Variants in NRG1 observed in about 807,000 individuals in gnomAD.
NRG1 encodes neuregulin 1.
A neutral mutation model predicts 63.8 loss-of-function variants in NRG1; 18 were observed. The observed-to-expected ratio is 0.28, with a 90% CI of 0.19 to 0.42. NRG1 has a LOEUF of 0.42. Among genes scored for constraint, NRG1 ranks in the 10% least tolerant of loss-of-function variants. NRG1 has a pLI of 1.00. For synonymous variants in NRG1, 302 were observed against 301.3 expected (o/e 1.00, Z -0.02); for missense variants, 762 against 814.7 (o/e 0.94, Z 0.79).
intron 1 of NRG1, among the ~76,000 whole-genome samples, chr8:32,284,227 C>T (rs897801471): frequency 1.3e-5 from 2 of 152,082 alleles, no homozygotes; most frequent in African/African-American, 2.4e-5. Context: ...GATCAATTTC[C>T]TCAATCCCCA....
intron 1 of NRG1, among the ~76,000 whole-genome samples, chr8:32,565,359 G>A (rs1837256584): frequency 6.6e-6 from 1 of 152,124 alleles, no homozygotes; most frequent in South Asian, 2.1e-4. Context: ...CTGACCTCAA[G>A]CGATCCTTCT....
chr8:32,159,348 C>A (rs1306865523), intron 1 of NRG1, among the ~76,000 whole-genome samples: 1 of 151,350 alleles, frequency 6.6e-6, no homozygotes, highest in Non-Finnish European at 1.5e-5. Context: ...TCCTGGCTAA[C>A]AAGGTGAAAC....
chr8:32,755,476 G>A (rs926742820), intron 8 of NRG1, among the ~76,000 whole-genome samples: 4 of 152,124 alleles, frequency 2.6e-5, no homozygotes, highest in African/African-American at 9.7e-5. Context: ...CCAGAATTAA[G>A]GGATAGAGAT....
At chr8:32,463,313 A>G (rs983498336) in intron 1 of NRG1, among the ~76,000 whole-genome samples, 1 of 152,178 alleles carries the variant, frequency 6.6e-6, no homozygotes, top group Non-Finnish European at 1.5e-5. Flanking sequence ...GGGCATACCC[A>G]GAAGAGGGAT....
At position 32,418,560 on chromosome 8, in the gene NRG1, A is replaced by G. The variant is rs1404513960; in HGVS notation, c.38-177268A>G. ...GGACTAGATGCATTTCAGGTTCCCA[A>G]TAGCCATATGTGTCTATTGGCGTTC... On this transcript the variant is annotated intron_variant, in intron 1 of 10. Transcript: ENST00000519301. Among the ~76,000 whole-genome samples, 3 of 152,046 alleles carry G rather than the reference A, an allele frequency of 2.0e-5. 1 individual carries two copies. Among genetic ancestry groups the G allele is most frequent in the African/African-American group, 4.8e-5 (2 of 41,432 alleles).
At chr8:32,549,502 G>C (rs897850254) in intron 1 of NRG1, among the ~76,000 whole-genome samples, 1 of 152,204 alleles carries the variant, frequency 6.6e-6, no homozygotes, top group Non-Finnish European at 1.5e-5. Context: ...CCCCAAACAA[G>C]TTCTACAAAC....
At chr8:32,288,732 C>G (rs887808799) in intron 1 of NRG1, among the ~76,000 whole-genome samples, 1 of 152,166 alleles carries the variant, frequency 6.6e-6, no homozygotes, top group African/African-American at 2.4e-5. Flanking sequence ...GCATCGTCAG[C>G]GTGAGGAAGG....
intron 1 of NRG1, among the ~76,000 whole-genome samples, chr8:32,519,376 A>G (rs1411726985): frequency 1.3e-5 from 2 of 152,144 alleles, no homozygotes; most frequent in Non-Finnish European, 1.5e-5. Flanking sequence ...TCTTACCACA[A>G]GTTAAAGGTT....
At chr8:32,100,733 G>A (rs1355955830) in intron 1 of NRG1, among the ~76,000 whole-genome samples, 3 of 152,086 alleles carry the variant, frequency 2.0e-5, no homozygotes, top group Admixed American at 6.6e-5. Flanking sequence ...GGAGAACAAA[G>A]GAACCTGAAT....
Position 32,713,488 on chromosome 8 carries a change from A to G in NRG1, c.503-14461A>G, listed in dbSNP as rs373071263. Among the ~76,000 whole-genome samples the G allele has an allele frequency of 2.1e-4, 32 of 152,072 alleles. No homozygotes were observed. In the East Asian group the frequency reaches 2.9e-3, roughly 14 times the overall value. ...GAGTTGAACTTCAAATTCATTGTCT[A>G]AATCCTAAGAAATGTTGAATTTTCA... On this transcript the variant is annotated intron_variant, in intron 5 of 11. Coordinates refer to ENST00000356819, the Ensembl canonical transcript of NRG1.
chr8:32,613,714 ACATCATTG>A (rs1290415560), intron 3 of NRG1, among the ~76,000 whole-genome samples: 6 of 152,036 alleles, frequency 3.9e-5, no homozygotes, highest in African/African-American at 1.4e-4. Flanking sequence ...TGAATGATAT[ACATCATTG>A]CATCTCTACA....
chr8:32,371,636 CT>C (rs1176994983), intron 1 of NRG1, among the ~76,000 whole-genome samples: 3 of 152,164 alleles, frequency 2.0e-5, no homozygotes, highest in Non-Finnish European at 4.4e-5. Flanking sequence ...TTTGAGATTC[CT>C]TAAGAAGGGA....
chr8:32,639,045 A>C (rs1026477853), intron 5 of NRG1, among the ~76,000 whole-genome samples: 1 of 152,134 alleles, frequency 6.6e-6, no homozygotes, highest in Admixed American at 6.5e-5. Flanking sequence ...GAGAAAAAAA[A>C]TGTGTGTACT....
intron 1 of NRG1, among the ~76,000 whole-genome samples, chr8:31,944,952 G>T (rs957560770): frequency 6.6e-5 from 10 of 152,170 alleles, no homozygotes. Context: ...CAAAACTTCC[G>T]TAGTACTCAG....
chr8:32,282,269 C>T (rs181533016), intron 1 of NRG1, among the ~76,000 whole-genome samples: 15 of 152,206 alleles, frequency 9.9e-5, no homozygotes, highest in Admixed American at 7.9e-4. Flanking sequence ...CTCTCCATCC[C>T]CTCTCTCTCT....
rs60639769 is a variant in NRG1, at chr8:31,987,344, GTGTGTA to G, written c.37+347919_37+347924del. Among the ~76,000 whole-genome samples the G allele has an allele frequency of 2.7e-3, 403 of 148,812 alleles. 3 individuals carry two copies. The highest frequency in any genetic ancestry group is 8.8e-3 in the African/African-American group (354 of 40,038). On this transcript the variant is annotated intron_variant, in intron 1 of 10. Coordinates refer to the NRG1 transcript ENST00000519301. ...TATGTGTGTGTGTGTGTGTGTGTGTGTGTGTATGTGTGTGAAATTATGACAGAATTT... is the reference window on the plus strand; with the variant it reads ...TATGTGTGTGTGTGTGTGTGTGTGTGTGTGTGTGAAATTATGACAGAATTT...
chr8:31,751,401 G>T (rs1378687878), intron 1 of NRG1, among the ~76,000 whole-genome samples: 1 of 151,866 alleles, frequency 6.6e-6, no homozygotes, highest in East Asian at 1.9e-4. Context: ...CTTAGTAGAG[G>T]GAACAACATT....
intron 1 of NRG1, among the ~76,000 whole-genome samples, chr8:31,828,445 G>C (rs1824788341): frequency 6.6e-6 from 1 of 152,184 alleles, no homozygotes; most frequent in Non-Finnish European, 1.5e-5. Flanking sequence ...CTAAGGTCAT[G>C]GCAGAACCAA....
In NRG1 at chr8:31,935,008, G is replaced by A. The variant is rs1254041133; in HGVS notation, c.37+295577G>A. Among the ~76,000 whole-genome samples the A allele has an allele frequency of 2.0e-5, 3 of 152,202 alleles. No homozygotes were observed. The East Asian group carries it at 5.8e-4, about 30-fold the overall frequency. Reference sequence around the variant, plus strand: ...GTCACCCCACCCAGGCTGGAGTGCAGTGGTATGATACAGCTGACTGCAGCC... The same window carrying A: ...GTCACCCCACCCAGGCTGGAGTGCAATGGTATGATACAGCTGACTGCAGCC... On this transcript the variant is annotated intron_variant, in intron 1 of 10. Coordinates refer to the NRG1 transcript ENST00000519301.
Sources: gnomAD v4.1 joint callset for allele counts (sites outside exome capture counted in the v4.1 genomes callset) on GRCh38, gnomAD v4.1.1 for gene constraint, MANE v1.5 for transcripts, NCBI Gene and HGNC (gene_info 2026-07-23, HGNC 2026-07-21) for gene names.